The following JPH3 variants were observed in gnomAD, a reference collection of about 807,000 sequenced individuals.
JPH3 encodes junctophilin-3.
In JPH3, 11 loss-of-function variants were observed where a neutral mutation model predicts 59.6. That is an observed-to-expected ratio of 0.18 (90% CI 0.12 to 0.31). The LOEUF (loss-of-function observed/expected upper bound fraction) is 0.31. JPH3 is among the 10% of genes least tolerant of loss of function. The probability of loss-of-function intolerance (pLI) is 1.00; values close to 1 mark genes in which losing one functional copy is unlikely to be tolerated. For missense variants in JPH3, 1,202 were observed against 1,105.7 expected, an observed-to-expected ratio of 1.09 and a Z score of -1.24; for synonymous variants, 673 against 483.6, an observed-to-expected ratio of 1.39 and a Z score of -5.14.
chr16:87,648,687 C>T (rs751215169), intron 2 of JPH3, among the ~76,000 whole-genome samples: 65 of 152,138 alleles, frequency 4.3e-4, no homozygotes, highest in Non-Finnish European at 5.6e-4. Flanking sequence ...AGCTGGGACT[C>T]AGCCCAGGGT....
At position 87,676,987 on chromosome 16, in the gene JPH3, G is replaced by A. The variant is rs1385161201; in HGVS notation, c.1161-7155G>A. Among the ~76,000 whole-genome samples the A allele has an allele frequency of 1.4e-4, 21 of 151,642 alleles. 1 individual carries two copies. The highest frequency in any genetic ancestry group is 5.1e-4 in the African/African-American group (21 of 41,028). On this transcript the variant is annotated intron_variant, in intron 2 of 4. Coordinates refer to ENST00000284262, the MANE Select transcript of JPH3 (RefSeq NM_020655.4). Reference sequence around the variant, plus strand: ...GAGATCGAAACCATGGTGAAACCCCGTCTCTACTAAGAATACAAAAAATTA... The same window carrying A: ...GAGATCGAAACCATGGTGAAACCCCATCTCTACTAAGAATACAAAAAATTA...
chr16:87,644,227 G>T (rs763467204), intron 1 of JPH3, 31 bp from the exon 2 acceptor site: 6 of 1,573,966 alleles, frequency 3.8e-6, no homozygotes, highest in Non-Finnish European at 5.2e-6. Context: ...TCTGTCGCTG[G>T]GCACTCACCC....
At chr16:87,673,431 C>T (rs983433538) in intron 2 of JPH3, among the ~76,000 whole-genome samples, 2 of 152,106 alleles carry the variant, frequency 1.3e-5, no homozygotes, top group Non-Finnish European at 2.9e-5. Flanking sequence ...GAATCTCTAG[C>T]AAAGTTCAGA....
rs753737687 is a variant in JPH3 at position 87,695,436 on chromosome 16, G to A, written c.2167-1144G>A. On this transcript the variant is annotated intron_variant, in intron 4 of 4. Transcript: ENST00000284262. ...TGTCGCACAGCAGCAGGATGTCTGC[G>A]TGGTAGGAAGTGGAGGGCTCCGGGG... The A allele has an allele frequency of 3.5e-5, 16 of 455,958 alleles. 1 individual carries two copies. The highest frequency in any genetic ancestry group is 7.7e-5 in the South Asian group (5 of 64,566). 28.2% of individuals were successfully genotyped at this position (455,958 alleles called of 1,614,324 possible).
Position 87,608,144 on chromosome 16 carries a change from CAG to C in JPH3, c.382+4620_382+4621del, listed in dbSNP as rs1460703498. 3.3e-5 allele frequency among the ~76,000 whole-genome samples: 5 copies of C among 152,320 alleles called. No homozygotes were observed. The East Asian group carries it at 9.7e-4, about 29-fold the overall frequency. On this transcript the variant is annotated intron_variant, in intron 1 of 4. Coordinates refer to ENST00000284262, the MANE Select transcript of JPH3 (RefSeq NM_020655.4). ...AGTGAGTGAGCAGCCCCAGCTGACACAGAGAAGGAGAGAGAGAACTCTGACCC... is the reference window on the plus strand; with the variant it reads ...AGTGAGTGAGCAGCCCCAGCTGACACAGAAGGAGAGAGAGAACTCTGACCC...
intron 2 of JPH3, among the ~76,000 whole-genome samples, chr16:87,665,850 G>C (rs549070054): frequency 1.3e-3 from 201 of 152,308 alleles, no homozygotes; most frequent in African/African-American, 4.7e-3. Context: ...GTCCCTGGTT[G>C]GAACACTGGT....
chr16:87,672,435 G>A (rs573753101), intron 2 of JPH3, among the ~76,000 whole-genome samples: 3 of 152,210 alleles, frequency 2.0e-5, no homozygotes, highest in African/African-American at 2.4e-5. Flanking sequence ...GGGCCTCCCT[G>A]TTCTCACTGT....
Position 87,611,473 on chromosome 16 carries a change from A to C in JPH3, c.382+7945A>C, listed in dbSNP as rs2030730767. 6.6e-6 allele frequency among the ~76,000 whole-genome samples: 1 copy of C among 151,816 alleles called. No individual in the cohort carries two copies. Among genetic ancestry groups the C allele is most frequent in the Non-Finnish European group, 1.5e-5 (1 of 67,958 alleles). On this transcript the variant is annotated intron_variant, in intron 1 of 4. Transcript: ENST00000284262. The surrounding 1 kb of genome is among the most constrained non-coding windows in gnomAD (Gnocchi z 4.5). Reference sequence around the variant, plus strand: ...CCCATCTCTATGATTTAGTCATGACATTTTTTTCCTTCTCAACATGTGCCA... The same window carrying C: ...CCCATCTCTATGATTTAGTCATGACCTTTTTTTCCTTCTCAACATGTGCCA...
At chr16:87,639,977 T>A (rs1282520348) in intron 1 of JPH3, among the ~76,000 whole-genome samples, 1 of 152,228 alleles carries the variant, frequency 6.6e-6, no homozygotes. Flanking sequence ...AGGAGGGATC[T>A]CAGGGAGTGG....
Position 87,696,738 on chromosome 16 carries a change from G to A in JPH3, c.*78G>A, listed in dbSNP as rs529614887. On this transcript the variant is annotated 3_prime_UTR_variant, in exon 5 of 5. Coordinates refer to ENST00000284262, the MANE Select transcript of JPH3 (RefSeq NM_020655.4). The stretch of plus-strand genomic sequence containing the variant: ...AATTAAAAGCAAAACCACAAGAAGG[G>A]AAAGACCGCAACTCGGACAGCCCAG... 1.6e-6 allele frequency: 2 copies of A among 1,213,856 alleles called. No individual in the cohort carries two copies. Among genetic ancestry groups the A allele is most frequent in the East Asian group, 2.3e-5 (1 of 42,764 alleles). 75.2% of individuals were successfully genotyped at this position (1,213,856 alleles called of 1,614,324 possible). A position where few individuals can be genotyped will look rare whatever the true frequency, so the allele number is the denominator to read the frequency against.
At chr16:87,692,343 G>A (rs916933323) in intron 4 of JPH3, among the ~76,000 whole-genome samples, 4 of 152,328 alleles carry the variant, frequency 2.6e-5, no homozygotes, top group East Asian at 3.9e-4. Context: ...GGAGGGGCCC[G>A]TGCCAGCCGG....
At chr16:87,631,437 C>A (rs767679298) in intron 1 of JPH3, among the ~76,000 whole-genome samples, 40 of 152,186 alleles carry the variant, frequency 2.6e-4, no homozygotes, top group Non-Finnish European at 5.0e-4. Context: ...CTTCTAGGTT[C>A]AGTGTTGCTC....
rs150431691 is a variant in JPH3 at position 87,668,993 on chromosome 16, G to A, written c.1161-15149G>A. Among the ~76,000 whole-genome samples, 314 of 152,298 alleles carry A rather than the reference G, an allele frequency of 2.1e-3. 3 individuals are homozygous for A. The highest frequency in any genetic ancestry group is 6.9e-3 in the African/African-American group (285 of 41,552). On this transcript the variant is annotated intron_variant, in intron 2 of 4. Transcript: ENST00000284262. ...AAACATCTCGTTAATCTTCTCGGAG[G>A]TCCTGCGAGGCGAGGCCTGTGGTAG... is the stretch of plus-strand genomic sequence containing the variant.
chr16:87,659,741 AAAG>A (rs1294608725), intron 2 of JPH3, among the ~76,000 whole-genome samples: 2 of 152,162 alleles, frequency 1.3e-5, no homozygotes, highest in African/African-American at 4.8e-5. Context: ...TCAAAAAAAA[AAAG>A]GATGATTTTT....
chr16:87,616,375 A>T (rs1388352933), intron 1 of JPH3, among the ~76,000 whole-genome samples: 2 of 149,510 alleles, frequency 1.3e-5, no homozygotes, highest in African/African-American at 4.9e-5. Flanking sequence ...CTGGGACTAC[A>T]GGCGCCCGCC....
chr16:87,671,077 TTTA>T (rs1567608354), intron 2 of JPH3, among the ~76,000 whole-genome samples: 1 of 151,558 alleles, frequency 6.6e-6, no homozygotes, highest in Non-Finnish European at 1.5e-5. Flanking sequence ...GCACCCGGAG[TTTA>T]ACACTGAGGT....
rs777449781 is a variant in JPH3, at chr16:87,689,874, T to C, written c.1514T>C (p.Val505Ala). 1.1e-4 allele frequency: 166 copies of C among 1,491,056 alleles called. No homozygotes were observed. The highest frequency in any genetic ancestry group is 1.4e-4 in the Non-Finnish European group (159 of 1,120,136). The allele number at this position is 1,491,056 out of a possible 1,614,324, so 92.4% of individuals were successfully genotyped here. A position where few individuals can be genotyped will look rare whatever the true frequency, so the allele number is the denominator to read the frequency against. Residue 505 changes from valine (V) to alanine (A), a missense_variant, in exon 4 of 5, where the codon GTG (valine) becomes GCG (alanine). By Grantham distance (64) the Val-to-Ala change is moderately conservative. Transcript: ENST00000284262. ...AAGGTCGCCCACTTCTCGAGGCAGG[T>C]GTCGGTGGACGAGGAGCGGGGCGGG... is the stretch of plus-strand genomic sequence containing the variant. ...RNKVAHFSRQ[V>A]SVDEERGGDI...
chr16:87,674,045 C>A (rs977519448), intron 2 of JPH3, among the ~76,000 whole-genome samples: 10 of 145,420 alleles, frequency 6.9e-5, no homozygotes, highest in Admixed American at 2.1e-4. Context: ...AAAAAAAAAA[C>A]AAAAACAGGC....
At chr16:87,685,341 C>T (rs1237293684) in intron 3 of JPH3, among the ~76,000 whole-genome samples, 2 of 152,236 alleles carry the variant, frequency 1.3e-5, no homozygotes, top group Non-Finnish European at 2.9e-5. Context: ...GTCCCCTCCA[C>T]TCTCCTGGCC....
Sources: allele counts gnomAD v4.1 joint callset (sites outside exome capture counted in the v4.1 genomes callset), GRCh38; gene constraint gnomAD v4.1.1; non-coding constraint Gnocchi (gnomAD v3.1); transcripts MANE v1.5; gene names NCBI Gene and HGNC (gene_info 2026-07-23, HGNC 2026-07-21).